Variants in ERBB2 observed in about 807,000 individuals in gnomAD.
ERBB2 encodes receptor tyrosine-protein kinase erbB-2.
ERBB2 carries 61 observed loss-of-function variants against 149.0 expected under a neutral mutation model. That is an observed-to-expected ratio of 0.41 (90% confidence interval 0.33 to 0.51). ERBB2 has a LOEUF of 0.51. Among genes scored for constraint, ERBB2 ranks in the 20% least tolerant of loss-of-function variants. The pLI, the probability that ERBB2 is intolerant of heterozygous loss-of-function variation, is 0.25. For synonymous variants in ERBB2, 633 were observed against 678.8 expected, an observed-to-expected ratio of 0.93 and a Z score of 1.05; for missense variants, 1,205 against 1,655.1, an observed-to-expected ratio of 0.73 and a Z score of 4.72.
At chr17:39,703,393 C>T (rs2145332419) in intron 1 of ERBB2, 1 of 152,324 alleles carries the variant, frequency 6.6e-6, no homozygotes, top group East Asian at 1.9e-4. Flanking sequence ...TATGTTTGGC[C>T]ACCCATCCTC....
upstream of ERBB2, among the ~76,000 whole-genome samples, chr17:39,693,577 G>C (rs1323832890): frequency 6.6e-6 from 1 of 151,658 alleles, no homozygotes; most frequent in East Asian, 1.9e-4. Flanking sequence ...AAACTTCTGG[G>C]CTAAAGCAAT....
At chr17:39,691,574 T>TATATATATATATATACACACACAC (rs1244087250), upstream of ERBB2, among the ~76,000 whole-genome samples, 2 of 122,050 alleles carry the variant, frequency 1.6e-5, no homozygotes, top group Admixed American at 8.2e-5. Flanking sequence ...TATATATATA[T>TATATATATATATATACACACACAC]ACACACACAC....
upstream of ERBB2, among the ~76,000 whole-genome samples, chr17:39,692,378 G>A (rs1597839312): frequency 6.6e-6 from 1 of 151,770 alleles, no homozygotes; most frequent in African/African-American, 2.4e-5. Context: ...GGGACTATGT[G>A]CCTGATCAAT....
At position 39,725,364 on chromosome 17, in the gene ERBB2, G is replaced by A. The variant is rs777677468; in HGVS notation, c.2687G>A (p.Arg896His). Residue 896 changes from arginine (R) to histidine (H), a missense_variant, in exon 22 of 27, where the codon CGC (arginine) becomes CAC (histidine). Arg to His is a conservative substitution (Grantham distance 29, BLOSUM62 0). Around this residue, in one of 6 missense-constraint regions of ERBB2, gnomAD observed 152 missense variants for 318.1 expected, o/e 0.48. Transcript: ENST00000269571. The surrounding 1 kb of genome is among the most constrained non-coding windows in gnomAD (Gnocchi z 4.6). ...IKWMALESILRRRFTHQSDVW... is the reference protein window; with the variant it reads ...IKWMALESILHRRFTHQSDVW... ...TGGATGGCGCTGGAGTCCATTCTCC[G>A]CCGGCGGTTCACCCACCAGAGTGAT... 1.7e-5 allele frequency: 27 copies of A among 1,613,844 alleles called. No individual in the cohort carries two copies. The highest frequency in any genetic ancestry group is 1.5e-4 in the Admixed American group (9 of 59,972).
upstream of ERBB2, among the ~76,000 whole-genome samples, chr17:39,691,345 C>T (rs528191960): frequency 6.6e-6 from 1 of 151,946 alleles, no homozygotes; most frequent in South Asian, 2.1e-4. Flanking sequence ...AGATCGAGAC[C>T]ATCCTAGCCA....
chr17:39,698,612 A>C (rs187457360), upstream of ERBB2, among the ~76,000 whole-genome samples: 1 of 137,546 alleles, frequency 7.3e-6, no homozygotes, highest in Non-Finnish European at 1.7e-5. Context: ...CTGTTTCTCA[A>C]CTCCCTAGGA....
upstream of ERBB2, among the ~76,000 whole-genome samples, chr17:39,698,802 C>T (rs1207745004): frequency 1.3e-5 from 2 of 152,132 alleles, no homozygotes; most frequent in African/African-American, 4.8e-5. Context: ...TTGATCCCTT[C>T]TTGACCAGTA....
At chr17:39,709,506 G>T (rs1025389718) in intron 4 of ERBB2, 54 bp downstream of exon 4, 1 of 1,600,654 alleles carries the variant, frequency 6.2e-7, no homozygotes, top group South Asian at 1.1e-5. Flanking sequence ...GACCCCAGCC[G>T]CAAACTCCCA....
chr17:39,717,379 C>G lies in ERBB2; in HGVS notation c.1797C>G (p.Arg599=), dbSNP rs778223078. Residue 599 remains arginine (R), a synonymous_variant, in exon 15 of 27, where the codon CGC becomes CGG. Coordinates refer to ENST00000269571, the MANE Select transcript of ERBB2 (RefSeq NM_004448.4). ...AGGACCCTCCCTTCTGCGTGGCCCG[C>G]TGCCCCAGCGGTGTGAAACCTGACC... ...HYKDPPFCVA[R]CPSGVKPDLS... is the part of the protein sequence containing the mutation. 73 of 1,612,798 alleles carry G rather than the reference C, an allele frequency of 4.5e-5. No homozygotes were observed. The highest frequency in any genetic ancestry group is 5.8e-5 in the Non-Finnish European group (68 of 1,179,992).
At position 39,715,367 on chromosome 17, in the gene ERBB2, CTG is replaced by C. The variant is rs751104347; in HGVS notation, c.1222+10_1222+11del. 5.0e-6 allele frequency: 8 copies of C among 1,613,932 alleles called. No homozygotes were observed. The East Asian group carries it at 1.6e-4, about 31-fold the overall frequency. On this transcript the variant is annotated intron_variant, in intron 10 of 26. Transcript: ENST00000269571. ...CTCTGGAAGAGATCACAGGTGGGCTCTGTCTCTGCATCCTGTTCTGCAGGGGC... is the reference window on the plus strand; with the variant it reads ...CTCTGGAAGAGATCACAGGTGGGCTCTCTCTGCATCCTGTTCTGCAGGGGC...
chr17:39,689,853 C>T (rs1460854521), intron 2 of ERBB2, among the ~76,000 whole-genome samples: 5 of 150,426 alleles, frequency 3.3e-5, no homozygotes. Context: ...TTGTGGTGAG[C>T]CAAGATTGCG....
upstream of ERBB2, among the ~76,000 whole-genome samples, chr17:39,697,797 A>AGG (rs1226213813): frequency 1.3e-5 from 2 of 151,192 alleles, no homozygotes; most frequent in African/African-American, 4.9e-5. Context: ...GAGTTCAAGC[A>AGG]ATTCTCCTGC....
chr17:39,714,838 C>T (rs1224229701), intron 9 of ERBB2, among the ~76,000 whole-genome samples: 1 of 146,768 alleles, frequency 6.8e-6, no homozygotes, highest in Non-Finnish European at 1.5e-5. Flanking sequence ...AGTGTGATCT[C>T]GGCTCACTGC....
rs373605104 is a variant in ERBB2 at position 39,727,887 on chromosome 17, C to G, written c.3611C>G (p.Ala1204Gly). Residue 1204 changes from alanine (A) to glycine (G), a missense_variant, in exon 27 of 27, where the codon GCC becomes GGC. Physicochemically the swap from Ala to Gly is moderately conservative, Grantham distance 60. Around this residue, in one of 6 missense-constraint regions of ERBB2, gnomAD observed 312 missense variants for 343.8 expected, o/e 0.91. Coordinates refer to ENST00000269571, the MANE Select transcript of ERBB2 (RefSeq NM_004448.4). The surrounding 1 kb of genome is among the most constrained non-coding windows in gnomAD (Gnocchi z 4.3). ...PEYLTPQGGAAPQPHPPPAFS... is the reference protein window; with the variant it reads ...PEYLTPQGGAGPQPHPPPAFS... The stretch of plus-strand genomic sequence containing the variant: ...TACTTGACACCCCAGGGAGGAGCTG[C>G]CCCTCAGCCCCACCCTCCTCCTGCC... 1.7e-5 allele frequency: 28 copies of G among 1,613,996 alleles called. No homozygotes were observed. Among genetic ancestry groups the G allele is most frequent in the Non-Finnish European group, 2.4e-5 (28 of 1,180,000 alleles).
chr17:39,708,248 C>A, intron 2 of ERBB2, 73 bp from the exon 3 acceptor site: 1 of 1,217,344 alleles, frequency 8.2e-7, no homozygotes, highest in East Asian at 2.4e-5. Context: ...TCTCCAAGTA[C>A]TGGGGAACCC....
At chr17:39,709,742 C>T (rs2145485936) in intron 4 of ERBB2, 71 bp from the exon 5 acceptor site, 1 of 1,448,106 alleles carries the variant, frequency 6.9e-7, no homozygotes, top group Non-Finnish European at 9.6e-7. Flanking sequence ...GTTTGTGCCT[C>T]TCTCTGTTAC....
chr17:39,719,657 C>T, intron 15 of ERBB2, 130 bp from the exon 16 acceptor site: 1 of 897,644 alleles, frequency 1.1e-6, no homozygotes, highest in Non-Finnish European at 1.9e-6. Flanking sequence ...CGGCCTTGAG[C>T]CCAGTTTCTG....
At chr17:39,717,263 C>T (rs2059186576) in intron 14 of ERBB2, 57 bp from the exon 15 acceptor site, 1 of 1,456,556 alleles carries the variant, frequency 6.9e-7, no homozygotes, top group African/African-American at 1.4e-5. Context: ...GGGCCTGATC[C>T]TACTGCCCTG....
rs1173435256 is a variant in ERBB2, at chr17:39,726,837, G to A, written c.2993G>A (p.Ser998Asn). Residue 998 changes from serine to asparagine, a missense_variant, in exon 25 of 27, where the codon AGT (serine) becomes AAT (asparagine). Around this residue, in one of 6 missense-constraint regions of ERBB2, gnomAD observed 312 missense variants for 343.8 expected, o/e 0.91. Coordinates refer to ENST00000269571, the MANE Select transcript of ERBB2 (RefSeq NM_004448.4). This position sits in a 1 kb window ranked among gnomAD's most constrained non-coding sequence, Gnocchi z 5.1. ...VIQNEDLGPA[S>N]PLDSTFYRSL... ...CAGAATGAGGACTTGGGCCCAGCCA[G>A]TCCCTTGGACAGCACCTTCTACCGC... 1.9e-6 allele frequency: 3 copies of A among 1,612,856 alleles called. No homozygotes were observed. The highest frequency in any genetic ancestry group is 1.7e-5 in the Admixed American group (1 of 59,930).
Sources: allele counts gnomAD v4.1 joint callset (sites outside exome capture counted in the v4.1 genomes callset), GRCh38; gene constraint gnomAD v4.1.1; regional missense constraint gnomAD v4.1.1; non-coding constraint Gnocchi (gnomAD v3.1); transcripts MANE v1.5; gene names NCBI Gene and HGNC (gene_info 2026-07-23, HGNC 2026-07-21).